NFATC2: variants seen among roughly 807,000 people sequenced by gnomAD.
The protein encoded by NFATC2 is nuclear factor of activated T cells 2.
NFATC2 carries 22 observed loss-of-function variants against 87.3 expected under a neutral mutation model. The ratio of observed to expected loss-of-function variants is 0.25; its 90% CI spans 0.18 to 0.36. The LOEUF is 0.36. Among genes scored for constraint, NFATC2 ranks in the 10% least tolerant of loss-of-function variants. NFATC2 has a pLI of 1.00. For synonymous variants in NFATC2, 565 were observed against 542.2 expected (o/e 1.04, Z -0.58); for missense variants, 1,149 against 1,259.1 (o/e 0.91, Z 1.32).
chr20:51,425,812 C>G (rs1390913785), intron 9 of NFATC2, among the ~76,000 whole-genome samples: 3 of 152,356 alleles, frequency 2.0e-5, no homozygotes. Context: ...GTGCACCCAG[C>G]TTCTGCGTAG....
At chr20:51,400,351 C>A (rs962685821) in intron 9 of NFATC2, among the ~76,000 whole-genome samples, 4 of 151,962 alleles carry the variant, frequency 2.6e-5, no homozygotes, top group Non-Finnish European at 5.9e-5. Context: ...TTGGAGGAGT[C>A]GTTCGAATCT....
intron 9 of NFATC2, among the ~76,000 whole-genome samples, chr20:51,403,524 C>A (rs1259552256): frequency 1.3e-5 from 2 of 152,202 alleles, no homozygotes; most frequent in African/African-American, 4.8e-5. Context: ...GTTATGCCCC[C>A]ACCACACCAG....
intron 10 of NFATC2, among the ~76,000 whole-genome samples, chr20:51,396,729 C>CTT (rs1987207014): frequency 1.3e-5 from 2 of 152,190 alleles, no homozygotes; most frequent in African/African-American, 2.4e-5. Flanking sequence ...ATTTCCTCTG[C>CTT]CTTGCAGTGC....
chr20:51,409,782 T>C (rs1026915510), intron 9 of NFATC2, among the ~76,000 whole-genome samples: 4 of 152,226 alleles, frequency 2.6e-5, no homozygotes, highest in African/African-American at 9.6e-5. Context: ...CAGGACGAAC[T>C]GGTTTCTTCA....
At chr20:51,415,844 A>G (rs1248422152) in intron 9 of NFATC2, among the ~76,000 whole-genome samples, 1 of 151,984 alleles carries the variant, frequency 6.6e-6, no homozygotes, top group Non-Finnish European at 1.5e-5. Context: ...TTTCTTGCCA[A>G]TGTTGTCAGT....
intron 6 of NFATC2, among the ~76,000 whole-genome samples, chr20:51,450,801 C>T (rs1027298129): frequency 6.6e-6 from 1 of 152,224 alleles, no homozygotes; most frequent in African/African-American, 2.4e-5. Context: ...GTGATTATTA[C>T]TCTTGTTCTT....
chr20:51,446,234 T>G (rs1221423575), intron 6 of NFATC2, among the ~76,000 whole-genome samples: 1 of 152,194 alleles, frequency 6.6e-6, no homozygotes, highest in Admixed American at 6.5e-5. Flanking sequence ...AGAAGGACTC[T>G]TCTCCCAGAC....
At chr20:51,396,333 G>A (rs113517576) in intron 10 of NFATC2, among the ~76,000 whole-genome samples, 6 of 152,084 alleles carry the variant, frequency 3.9e-5, no homozygotes, top group African/African-American at 1.4e-4. Flanking sequence ...CAGCAGGATG[G>A]CTGCTCAGGA....
At chr20:51,509,005 G>A (rs1297395872) in intron 3 of NFATC2, among the ~76,000 whole-genome samples, 2 of 151,986 alleles carry the variant, frequency 1.3e-5, no homozygotes, top group African/African-American at 4.8e-5. Flanking sequence ...AAACATGTGC[G>A]AGGCCCACGA....
At chr20:51,505,752 C>T (rs907935861) in intron 3 of NFATC2, among the ~76,000 whole-genome samples, 2 of 152,054 alleles carry the variant, frequency 1.3e-5, no homozygotes, top group African/African-American at 2.4e-5. Flanking sequence ...GTGTCGTTGT[C>T]GTGGCATCGT....
chr20:51,539,074 T>C (rs2076765442), intron 1 of NFATC2, among the ~76,000 whole-genome samples: 1 of 152,030 alleles, frequency 6.6e-6, no homozygotes, highest in African/African-American at 2.4e-5. Context: ...AAAACAGGGG[T>C]GATAATAGTG....
intron 1 of NFATC2, among the ~76,000 whole-genome samples, chr20:51,558,494 C>T (rs531224450): frequency 5.3e-5 from 8 of 149,758 alleles, no homozygotes; most frequent in African/African-American, 1.2e-4. Context: ...TGGGGGGGGG[C>T]GAGGTAAATG....
intron 5 of NFATC2, among the ~76,000 whole-genome samples, chr20:51,470,173 C>A (rs1600809647): frequency 6.6e-6 from 1 of 152,066 alleles, no homozygotes. Flanking sequence ...CTGACCTCTT[C>A]CATACTCCAG....
At chr20:51,414,505 A>G (rs1297214698) in intron 9 of NFATC2, among the ~76,000 whole-genome samples, 1 of 151,978 alleles carries the variant, frequency 6.6e-6, no homozygotes, top group East Asian at 1.9e-4. Flanking sequence ...CCTGGCCAAC[A>G]TGGCAAAACT....
At chr20:51,541,241 C>T (rs1440597454) in intron 1 of NFATC2, among the ~76,000 whole-genome samples, 3 of 152,112 alleles carry the variant, frequency 2.0e-5, no homozygotes, top group African/African-American at 7.2e-5. Context: ...CCAGTCAGCA[C>T]AAGCCCTTCC....
Position 51,524,970 on chromosome 20 carries a change from G to C in NFATC2, c.131-860C>G, listed in dbSNP as rs926032204. On this transcript the variant is annotated intron_variant, in intron 1 of 10. Transcript: ENST00000371564. The surrounding 1 kb of genome is among the most constrained non-coding windows in gnomAD (Gnocchi z 4.0). ...CGTGGTGGCTCACACCTGGAATCCC[G>C]GCACTTCGGGAGGCTGAGGCGGGCA... Among the ~76,000 whole-genome samples the C allele has an allele frequency of 6.6e-6, 1 of 152,044 alleles. No homozygotes were observed. Among genetic ancestry groups the C allele is most frequent in the African/African-American group, 2.4e-5 (1 of 41,394 alleles).
intron 9 of NFATC2, among the ~76,000 whole-genome samples, chr20:51,406,521 G>A (rs923849059): frequency 6.6e-6 from 1 of 152,226 alleles, no homozygotes; most frequent in African/African-American, 2.4e-5. Context: ...AAATGGTGCT[G>A]GTGTATTACA....
intron 2 of NFATC2, 103 bp from the exon 3 acceptor site, chr20:51,517,058 T>C: frequency 8.6e-7 from 1 of 1,159,648 alleles, no homozygotes. Context: ...GATACAGTCA[T>C]GTATTGCTCA....
intron 1 of NFATC2, among the ~76,000 whole-genome samples, chr20:51,561,491 G>GAAAGAAAGAAAGAAAGAAAA (rs1568765976): frequency 1.1e-5 from 1 of 95,090 alleles, no homozygotes; most frequent in East Asian, 3.1e-4. Context: ...AAGAAAGCAA[G>GAAAGAAAGAAAGAAAGAAAA]CAAGCAAGCA....
Sources: gnomAD v4.1 joint callset for allele counts (sites outside exome capture counted in the v4.1 genomes callset) on GRCh38, gnomAD v4.1.1 for gene constraint, Gnocchi (gnomAD v3.1) non-coding constraint, MANE v1.5 for transcripts, NCBI Gene and HGNC (gene_info 2026-07-23, HGNC 2026-07-21) for gene names.